SCAND3: variants seen among roughly 807,000 people sequenced by gnomAD.
SCAND3 encodes the protein SCAN domain-containing protein 3.
chr6:28,612,820 T>C, the SCAND3 span, among the ~76,000 whole-genome samples: 4 of 152,338 alleles, frequency 2.6e-5, no homozygotes, highest in African/African-American at 9.6e-5. Flanking sequence ...CATTCTATTC[T>C]AGAATCCTTA....
At chr6:28,608,039 C>T in the SCAND3 span, among the ~76,000 whole-genome samples, 1 of 152,084 alleles carries the variant, frequency 6.6e-6, no homozygotes, top group Non-Finnish European at 1.5e-5. Flanking sequence ...ATGCTCAGAG[C>T]GAGACCCGCT....
chr6:28,614,666 T>C, the SCAND3 span, among the ~76,000 whole-genome samples: 30 of 151,936 alleles, frequency 2.0e-4, no homozygotes, highest in Admixed American at 2.6e-4. Flanking sequence ...GGTTTCACCA[T>C]GTTGGCCAGG....
the SCAND3 span, chr6:28,575,076 G>T: frequency 6.2e-7 from 1 of 1,613,966 alleles, no homozygotes; most frequent in Non-Finnish European, 8.5e-7. The surrounding 1 kb of genome is among the most constrained non-coding windows in gnomAD (Gnocchi z 4.2). Flanking sequence ...CTGTATGCAA[G>T]CTGGCAACAA....
the SCAND3 span, among the ~76,000 whole-genome samples, chr6:28,584,421 G>A: frequency 5.5e-3 from 841 of 152,076 alleles, 31 homozygotes; most frequent in Admixed American, 0.051. Context: ...TATCTGCCCT[G>A]TCATCTAGTC....
chr6:28,586,556 G>C, the SCAND3 span: 7 of 1,614,146 alleles, frequency 4.3e-6, no homozygotes, highest in Non-Finnish European at 5.9e-6. The surrounding 1 kb of genome is among the most constrained non-coding windows in gnomAD (Gnocchi z 4.4). Context: ...ACTGCCTGAA[G>C]CGCTGACGAG....
At chr6:28,604,683 A>G in the SCAND3 span, among the ~76,000 whole-genome samples, 1 of 151,890 alleles carries the variant, frequency 6.6e-6, no homozygotes, top group Non-Finnish European at 1.5e-5. Context: ...ACATAATTTT[A>G]CTCACTCTTT....
the SCAND3 span, chr6:28,573,534 T>C: frequency 1.6e-4 from 266 of 1,613,428 alleles, no homozygotes; most frequent in South Asian, 5.5e-4. Context: ...AACTTATTTC[T>C]TTATGTTTTG....
the SCAND3 span, chr6:28,573,566 T>G: frequency 6.2e-7 from 1 of 1,613,376 alleles, no homozygotes; most frequent in Admixed American, 1.7e-5. Flanking sequence ...CGCTTAAGTT[T>G]TGATGGTTTC....
the SCAND3 span, among the ~76,000 whole-genome samples, chr6:28,592,461 G>T: frequency 6.6e-6 from 1 of 152,106 alleles, no homozygotes; most frequent in East Asian, 1.9e-4. This position sits in a 1 kb window ranked among gnomAD's most constrained non-coding sequence, Gnocchi z 4.1. Context: ...AATATTCCAT[G>T]TTCATGAAAG....
chr6:28,573,808 A>G, the SCAND3 span: 1 of 1,532,752 alleles, frequency 6.5e-7, no homozygotes, highest in South Asian at 1.3e-5. Context: ...AAAAAAGTCC[A>G]GTGAAGCTTG....
the SCAND3 span, among the ~76,000 whole-genome samples, chr6:28,578,786 C>G: frequency 6.6e-6 from 1 of 152,202 alleles, no homozygotes; most frequent in Non-Finnish European, 1.5e-5. Context: ...GAAAAGATAG[C>G]TGTTCCAGAA....
chr6:28,614,730 G>A, the SCAND3 span, among the ~76,000 whole-genome samples: 8 of 152,174 alleles, frequency 5.3e-5, no homozygotes, highest in Non-Finnish European at 8.8e-5. Context: ...CTCCCAAAGT[G>A]CTGGGATTAC....
At chr6:28,599,290 A>C in the SCAND3 span, among the ~76,000 whole-genome samples, 1 of 152,264 alleles carries the variant, frequency 6.6e-6, no homozygotes, top group Non-Finnish European at 1.5e-5. Context: ...TGAGATACTT[A>C]GTTGTAGAAA....
chr6:28,589,683 C>A, the SCAND3 span: 3 of 152,028 alleles, frequency 2.0e-5, no homozygotes, highest in Admixed American at 2.0e-4. Context: ...CTGCTCTTAT[C>A]GACTTACGAA....
chr6:28,600,653 C>G, the SCAND3 span, among the ~76,000 whole-genome samples: 1 of 151,916 alleles, frequency 6.6e-6, no homozygotes, highest in Non-Finnish European at 1.5e-5. Flanking sequence ...AAAAAGTAAA[C>G]AGAGTTTTAA....
the SCAND3 span, among the ~76,000 whole-genome samples, chr6:28,582,243 G>A: frequency 6.6e-6 from 1 of 152,154 alleles, no homozygotes; most frequent in Non-Finnish European, 1.5e-5. This position sits in a 1 kb window ranked among gnomAD's most constrained non-coding sequence, Gnocchi z 4.8. Flanking sequence ...TTAAAACATT[G>A]TAAGATTGTT....
chr6:28,588,716 GCTT>G, the SCAND3 span, among the ~76,000 whole-genome samples: 1 of 152,066 alleles, frequency 6.6e-6, no homozygotes. The surrounding 1 kb of genome is among the most constrained non-coding windows in gnomAD (Gnocchi z 4.1). Flanking sequence ...AAGTTACTGG[GCTT>G]TTTTGGTTTG....
the SCAND3 span, among the ~76,000 whole-genome samples, chr6:28,588,908 G>A: frequency 1.3e-5 from 2 of 152,178 alleles, no homozygotes; most frequent in African/African-American, 4.8e-5. The surrounding 1 kb of genome is among the most constrained non-coding windows in gnomAD (Gnocchi z 4.1). Flanking sequence ...TCCTTGCGCT[G>A]TGCTTTCCAA....
chr6:28,571,814 C>A, the SCAND3 span: 2 of 1,455,210 alleles, frequency 1.4e-6, no homozygotes, highest in Non-Finnish European at 9.1e-7. Flanking sequence ...ATAACTGTAA[C>A]TAGACAGAAA....
Sources: gnomAD v4.1 joint callset for allele counts (sites outside exome capture counted in the v4.1 genomes callset) on GRCh38, gnomAD v4.1.1 for gene constraint, Gnocchi (gnomAD v3.1) non-coding constraint, MANE v1.5 for transcripts, NCBI Gene and HGNC (gene_info 2026-07-23, HGNC 2026-07-21) for gene names.